SLC12A5: variants seen among roughly 807,000 people sequenced by gnomAD.
SLC12A5 encodes the protein solute carrier family 12 member 5.
SLC12A5 carries 18 observed loss-of-function variants against 124.0 expected under a neutral mutation model. The observed-to-expected ratio is 0.15, with a 90% CI of 0.10 to 0.22. The LOEUF (loss-of-function observed/expected upper bound fraction) is 0.22, where lower values mean the gene tolerates loss of function less well. Among genes scored for constraint, SLC12A5 ranks in the 10% least tolerant of loss-of-function variants. SLC12A5 has a pLI of 1.00. For synonymous variants in SLC12A5, 589 were observed against 568.0 expected (o/e 1.04, Z -0.53); for missense variants, 867 against 1,478.7 (o/e 0.59, Z 6.78).
At chr20:46,023,906 G>A (rs1459312113), downstream of SLC12A5, among the ~76,000 whole-genome samples, 2 of 152,130 alleles carry the variant, frequency 1.3e-5, no homozygotes, top group Non-Finnish European at 2.9e-5. Flanking sequence ...GATGAGAGGA[G>A]GGTGGCTGTG....
chr20:46,049,114 T>C (rs1473333761), intron 16 of SLC12A5, among the ~76,000 whole-genome samples: 1 of 152,128 alleles, frequency 6.6e-6, no homozygotes, highest in East Asian at 1.9e-4. Context: ...TGGGGCTCTA[T>C]ATTATTTATC....
upstream of SLC12A5, among the ~76,000 whole-genome samples, chr20:46,026,225 C>G (rs150172646): frequency 6.6e-6 from 1 of 152,330 alleles, no homozygotes; most frequent in Non-Finnish European, 1.5e-5. Flanking sequence ...TTTTTTCTCT[C>G]TGAGACATAT....
chr20:46,035,792 A>T lies in SLC12A5; in HGVS notation c.295A>T (p.Thr99Ser), dbSNP rs1461441247. The change falls in exon 4 of 26, where the codon ACC (threonine) becomes TCC (serine). Residue 99 changes from threonine (T) to serine (S), a missense_variant. Transcript: ENST00000243964. ...TCCCTGGCAGGCCCCACGCATGGGC[A>T]CCTTCATGGGCGTGTACCTGCCGTG... ...KKPVQAPRMG[T>S]FMGVYLPCLQ... 10 of 1,613,394 alleles carry T rather than the reference A, an allele frequency of 6.2e-6. No homozygotes were observed. Among genetic ancestry groups the T allele is most frequent in the Non-Finnish European group, 4.2e-6 (5 of 1,179,502 alleles).
intron 17 of SLC12A5, among the ~76,000 whole-genome samples, chr20:46,051,294 A>T (rs2084643896): frequency 6.6e-6 from 1 of 152,200 alleles, no homozygotes; most frequent in South Asian, 2.1e-4. Flanking sequence ...AGCCCAGTTT[A>T]ATTCTGGTCT....
rs1221035250 is a variant in SLC12A5 at position 46,058,923 on chromosome 20, G to A, written c.*1318G>A. On this transcript the variant is annotated 3_prime_UTR_variant, in exon 26 of 26. Coordinates refer to ENST00000243964, the MANE Select transcript of SLC12A5 (RefSeq NM_020708.5). The surrounding 1 kb of genome is among the most constrained non-coding windows in gnomAD (Gnocchi z 5.8). ...GCGGCCTCTAGCTCCGTCTCCCGGG[G>A]ACCTGGGCCTGAGGGAGGGCTGGAG... 1.0e-5 allele frequency: 4 copies of A among 395,084 alleles called. No individual in the cohort carries two copies. Among genetic ancestry groups the A allele is most frequent in the Non-Finnish European group, 1.8e-5 (4 of 224,506 alleles). The allele number at this position is 395,084 out of a possible 1,614,324, so 24.5% of individuals were successfully genotyped here.
In SLC12A5 at chr20:46,058,504, C is replaced by T. The variant is rs2084718132; in HGVS notation, c.*899C>T. 1.3e-5 allele frequency: 5 copies of T among 399,062 alleles called. No individual in the cohort carries two copies. The highest frequency in any genetic ancestry group is 4.4e-5 in the Admixed American group (1 of 22,722). The allele number at this position is 399,062 out of a possible 1,614,324, so 24.7% of individuals were successfully genotyped here. On this transcript the variant is annotated 3_prime_UTR_variant, in exon 26 of 26. Transcript: ENST00000243964. This position sits in a 1 kb window ranked among gnomAD's most constrained non-coding sequence, Gnocchi z 5.8. ...AGAGACGCGAGCAACCTCTTCTCAT[C>T]GGCTCTTATGCAAGTTGGGGCCAGG... is the stretch of plus-strand genomic sequence containing the variant.
Position 46,045,815 on chromosome 20 carries a change from G to C in SLC12A5, c.1570-63G>C, listed in dbSNP as rs1011795216. ...TGCCTCTACTCCACTGGTTCCCGAG[G>C]CTAGGGGAGAGGGCTGAGAAATCCT... On this transcript the variant is annotated intron_variant, in intron 12 of 25. Transcript: ENST00000243964. The surrounding 1 kb of genome is among the most constrained non-coding windows in gnomAD (Gnocchi z 4.9). The C allele has an allele frequency of 4.3e-6, 6 of 1,384,362 alleles. No homozygotes were observed. The highest frequency in any genetic ancestry group is 6.1e-6 in the Non-Finnish European group (6 of 978,968). 85.8% of individuals were successfully genotyped at this position (1,384,362 alleles called of 1,614,324 possible).
At chr20:46,047,311 T>A (rs889864962) in intron 14 of SLC12A5, 143 bp from the exon 15 acceptor site, 1 of 1,027,580 alleles carries the variant, frequency 9.7e-7, no homozygotes. Context: ...CTCATGGGGA[T>A]GATGGTGTGA....
intron 14 of SLC12A5, 75 bp downstream of exon 14, chr20:46,046,511 A>T: frequency 7.4e-7 from 1 of 1,350,182 alleles, no homozygotes; most frequent in South Asian, 1.2e-5. Context: ...ACTCCAGTCC[A>T]TCCCCTCTGG....
chr20:46,030,527 C>A (rs1381345875), intron 1 of SLC12A5, among the ~76,000 whole-genome samples: 1 of 151,746 alleles, frequency 6.6e-6, no homozygotes, highest in Non-Finnish European at 1.5e-5. Context: ...CCCCACCCCC[C>A]ACTCTCCAGC....
intron 8 of SLC12A5, among the ~76,000 whole-genome samples, chr20:46,042,548 G>A (rs991914855): frequency 7.2e-5 from 11 of 152,082 alleles, no homozygotes; most frequent in African/African-American, 1.9e-4. Context: ...GGGTGTACCT[G>A]GCATCTAGTA....
chr20:46,047,520 A>C lies in SLC12A5; in HGVS notation c.1854A>C (p.Ala618=). The C allele has an allele frequency of 1.2e-6, 2 of 1,613,966 alleles. No individual in the cohort carries two copies. The highest frequency in any genetic ancestry group is 1.7e-6 in the Non-Finnish European group (2 of 1,179,952). Residue 618 remains alanine (A), a synonymous_variant, in exon 15 of 26, where the codon GCA becomes GCC. Coordinates refer to ENST00000243964, the MANE Select transcript of SLC12A5 (RefSeq NM_020708.5). ...ALMFICSWYY[A]LVAMLIAGLI... ...TGTTCATCTGCTCCTGGTATTATGC[A>C]CTGGTAGCCATGCTCATTGCTGGAC...
rs528607975 is a variant in SLC12A5, at chr20:46,047,429, G to T, written c.1788-25G>T. On this transcript the variant is annotated intron_variant, in intron 14 of 25. Coordinates refer to ENST00000243964, the MANE Select transcript of SLC12A5 (RefSeq NM_020708.5). ...AGCAACAGCCCTGCTGGGGCTCAGA[G>T]GCTGGGTCTCCCCACCTTGTCTAGG... 4.7e-5 allele frequency: 75 copies of T among 1,611,428 alleles called. 1 individual carries two copies. The South Asian group carries it at 7.9e-4, about 17-fold the overall frequency.
In SLC12A5 at chr20:46,057,460, C is replaced by T; in HGVS notation, c.3260-54C>T. On this transcript the variant is annotated intron_variant, in intron 25 of 25. Coordinates refer to ENST00000243964, the MANE Select transcript of SLC12A5 (RefSeq NM_020708.5). The surrounding 1 kb of genome is among the most constrained non-coding windows in gnomAD (Gnocchi z 7.1). Reference sequence around the variant, plus strand: ...GGTCCCCTGGCAGCCGAGCGCGACCCCAATTTCGTCGGGAGGGAAGGAGAC... The same window carrying T: ...GGTCCCCTGGCAGCCGAGCGCGACCTCAATTTCGTCGGGAGGGAAGGAGAC... The T allele has an allele frequency of 1.2e-6, 2 of 1,607,550 alleles. No individual in the cohort carries two copies. The highest frequency in any genetic ancestry group is 1.7e-6 in the Non-Finnish European group (2 of 1,174,260).
At chr20:46,029,917 CGTGTGT>C (rs34618340) in intron 1 of SLC12A5, among the ~76,000 whole-genome samples, 8,676 of 143,692 alleles carry the variant, frequency 0.06, 818 homozygotes, top group African/African-American at 0.22. Context: ...TGTGTGTGTG[CGTGTGT>C]GTGTGTGTGT....
chr20:46,039,410 A>T (rs1055768847), intron 6 of SLC12A5, among the ~76,000 whole-genome samples: 2 of 152,230 alleles, frequency 1.3e-5, no homozygotes, highest in African/African-American at 4.8e-5. Flanking sequence ...AATGAGACAT[A>T]TTCTTTTTCA....
In SLC12A5 at chr20:46,044,987, C is replaced by A. The variant is rs755729176; in HGVS notation, c.1416C>A (p.Gly472=). 6.2e-7 allele frequency: 1 copy of A among 1,614,216 alleles called. No individual in the cohort carries two copies. Residue 472 remains glycine (G), a synonymous_variant, in exon 12 of 26, where the codon GGC becomes GGA. Coordinates refer to ENST00000243964, the MANE Select transcript of SLC12A5 (RefSeq NM_020708.5). ...LRDKFGEAVN[G]NLVVGTLAWP... is the part of the protein sequence containing the mutation. ...CCAGGTTTGGCGAAGCTGTGAATGG[C>A]AACCTCGTGGTGGGCACTCTGGCCT...
chr20:46,027,102 G>A (rs2084405879), upstream of SLC12A5, among the ~76,000 whole-genome samples: 1 of 152,224 alleles, frequency 6.6e-6, no homozygotes, highest in Non-Finnish European at 1.5e-5. Context: ...CAGTGCTGCT[G>A]CTGCTGCTAG....
At chr20:46,023,046 C>A (rs1251839074) in exon 2 of SLC12A5, 2 of 400,428 alleles carry the variant, frequency 5.0e-6, no homozygotes, top group Non-Finnish European at 4.4e-6. Context: ...CTCCCCAGAC[C>A]GCCAGGGGTC....
Sources: allele counts gnomAD v4.1 joint callset (sites outside exome capture counted in the v4.1 genomes callset), GRCh38; gene constraint gnomAD v4.1.1; non-coding constraint Gnocchi (gnomAD v3.1); transcripts MANE v1.5; gene names NCBI Gene and HGNC (gene_info 2026-07-23, HGNC 2026-07-21).